THSD7B: variants seen among roughly 807,000 people sequenced by gnomAD.
THSD7B encodes thrombospondin type 1 domain containing 7B.
THSD7B carries 138 observed loss-of-function variants against 213.6 expected under a neutral mutation model. The ratio of observed to expected loss-of-function variants is 0.65; its 90% CI spans 0.56 to 0.74. The LOEUF is 0.74. Among genes scored for constraint, THSD7B ranks in the 30% least tolerant of loss-of-function variants. The pLI, the probability that THSD7B is intolerant of heterozygous loss-of-function variation, is 0.00. For missense variants in THSD7B, 1,931 were observed against 1,991.5 expected (o/e 0.97, Z 0.58); for synonymous variants, 742 against 687.0 (o/e 1.08, Z -1.25).
chr2:136,994,428 G>A (rs952834516), intron 2 of THSD7B, among the ~76,000 whole-genome samples: 4 of 152,266 alleles, frequency 2.6e-5, no homozygotes, highest in Admixed American at 6.5e-5. Context: ...TTAGCTGGGC[G>A]TGGTGGCGGG....
At chr2:137,109,279 G>A (rs945328083) in intron 4 of THSD7B, among the ~76,000 whole-genome samples, 2 of 152,058 alleles carry the variant, frequency 1.3e-5, no homozygotes, top group African/African-American at 4.8e-5. Context: ...ATTGTCCAAC[G>A]ATTTTCCAGC....
chr2:137,167,548 A>G (rs1194231227), intron 6 of THSD7B, among the ~76,000 whole-genome samples: 1 of 152,116 alleles, frequency 6.6e-6, no homozygotes, highest in African/African-American at 2.4e-5. Context: ...AGATCTGGAT[A>G]TACCCTCCGG....
chr2:137,132,398 G>T (rs949254674), intron 5 of THSD7B, among the ~76,000 whole-genome samples: 1 of 151,650 alleles, frequency 6.6e-6, no homozygotes, highest in Non-Finnish European at 1.5e-5. Flanking sequence ...GCTATGTAAA[G>T]ATTTGATTTC....
At chr2:137,401,962 C>T (rs1397441597) in intron 12 of THSD7B, among the ~76,000 whole-genome samples, 1 of 152,188 alleles carries the variant, frequency 6.6e-6, no homozygotes, top group African/African-American at 2.4e-5. Flanking sequence ...ATATTTTCTC[C>T]TTACCTTTAT....
In THSD7B at chr2:137,218,754, A is replaced by C. The variant is rs534745158; in HGVS notation, c.1724-12290A>C. Among the ~76,000 whole-genome samples the C allele has an allele frequency of 2.6e-5, 4 of 152,166 alleles. No homozygotes were observed. The East Asian group carries it at 7.7e-4, about 29-fold the overall frequency. ...CTTTGGGATTATGCCTTCAGTATTT[A>C]TTCTCTCCCCATTCTGTTTTTCTGA... is the stretch of plus-strand genomic sequence containing the variant. On this transcript the variant is annotated intron_variant, in intron 7 of 27. Transcript: ENST00000409968.
chr2:137,143,499 G>C (rs1679634295), intron 5 of THSD7B, among the ~76,000 whole-genome samples: 1 of 152,254 alleles, frequency 6.6e-6, no homozygotes, highest in South Asian at 2.1e-4. Context: ...TTATTTGACA[G>C]TGATCTGTGT....
At chr2:137,431,825 T>G (rs1687192100) in intron 14 of THSD7B, among the ~76,000 whole-genome samples, 1 of 152,102 alleles carries the variant, frequency 6.6e-6, no homozygotes, top group Admixed American at 6.5e-5. Flanking sequence ...AATTTTAGAT[T>G]TGGAATAGAT....
intron 15 of THSD7B, among the ~76,000 whole-genome samples, chr2:137,460,475 C>T (rs752438252): frequency 6.6e-6 from 1 of 151,962 alleles, no homozygotes; most frequent in Admixed American, 6.6e-5. Context: ...CAGATTGCTC[C>T]TCTTTTTGCA....
chr2:137,133,514 G>T (rs79018723), intron 5 of THSD7B, among the ~76,000 whole-genome samples: 2,890 of 151,974 alleles, frequency 0.019, 77 homozygotes, highest in Admixed American at 0.05. Context: ...TTTAAATGCT[G>T]GTTCTGAGTA....
At chr2:137,309,705 T>A (rs1683845034) in intron 12 of THSD7B, among the ~76,000 whole-genome samples, 1 of 151,986 alleles carries the variant, frequency 6.6e-6, no homozygotes. Flanking sequence ...CCTTCCTGTG[T>A]CCATGTGTAC....
At chr2:136,999,861 C>T (rs895150058) in intron 2 of THSD7B, among the ~76,000 whole-genome samples, 9 of 152,100 alleles carry the variant, frequency 5.9e-5, no homozygotes, top group African/African-American at 1.7e-4. Flanking sequence ...GAGAATCCAT[C>T]CTGTGCTAAC....
At chr2:136,782,865 G>T (rs1157175410) in intron 1 of THSD7B, among the ~76,000 whole-genome samples, 1 of 151,800 alleles carries the variant, frequency 6.6e-6, no homozygotes, top group Non-Finnish European at 1.5e-5. Context: ...GCATCATGTT[G>T]TACATGATAA....
intron 12 of THSD7B, among the ~76,000 whole-genome samples, chr2:137,368,747 G>C (rs1685477066): frequency 1.3e-5 from 2 of 152,098 alleles, no homozygotes; most frequent in African/African-American, 4.8e-5. Flanking sequence ...TGAGGTAAAA[G>C]ACTGTGTTGA....
intron 7 of THSD7B, among the ~76,000 whole-genome samples, chr2:137,188,685 C>G (rs35372560): frequency 0.046 from 7,023 of 152,250 alleles, 200 homozygotes; most frequent in Admixed American, 0.069. Flanking sequence ...TGTTTTCCTA[C>G]AGATAGCATT....
chr2:137,487,370 G>C (rs1234143023), intron 15 of THSD7B, among the ~76,000 whole-genome samples: 1 of 20,832 alleles, frequency 4.8e-5, no homozygotes, highest in Non-Finnish European at 7.6e-5. Flanking sequence ...GCGAGACTCC[G>C]TCTCAAAAAA....
At chr2:137,490,988 T>C (rs2105121981) in intron 15 of THSD7B, among the ~76,000 whole-genome samples, 1 of 152,346 alleles carries the variant, frequency 6.6e-6, no homozygotes, top group South Asian at 2.1e-4. Flanking sequence ...TTAGTAACAA[T>C]CACTTGAAAG....
In THSD7B at chr2:137,572,483, C is replaced by A. The variant is rs758289402; in HGVS notation, c.3350C>A (p.Thr1117Asn). 6.2e-6 allele frequency: 10 copies of A among 1,613,784 alleles called. No homozygotes were observed. The South Asian group carries it at 8.8e-5, about 14-fold the overall frequency. ...AACCAGGATGAAATTCCCCCAGAAACCCAGTCCTGTTCTCTTATGTGTCCC... is the reference window on the plus strand; with the variant it reads ...AACCAGGATGAAATTCCCCCAGAAAACCAGTCCTGTTCTCTTATGTGTCCC... ...LCNQDEIPPE[T>N]QSCSLMCPNE... The change falls in exon 17 of 28, where the codon ACC (threonine) becomes AAC (asparagine). Residue 1117 changes from threonine (T) to asparagine (N), a missense_variant. Coordinates refer to ENST00000409968, the MANE Select transcript of THSD7B (RefSeq NM_001316349.2).
At chr2:137,187,478 G>C (rs535320877) in intron 7 of THSD7B, among the ~76,000 whole-genome samples, 5 of 152,302 alleles carry the variant, frequency 3.3e-5, no homozygotes, top group African/African-American at 1.2e-4. Flanking sequence ...TTTGCCTGAA[G>C]AACTGTCCTG....
At chr2:137,569,467 G>A (rs957995801) in intron 16 of THSD7B, among the ~76,000 whole-genome samples, 1 of 152,144 alleles carries the variant, frequency 6.6e-6, no homozygotes, top group Non-Finnish European at 1.5e-5. Context: ...TCACCGGCAG[G>A]GGGAGGGGAT....
Sources: gnomAD v4.1 joint callset for allele counts (sites outside exome capture counted in the v4.1 genomes callset) on GRCh38, gnomAD v4.1.1 for gene constraint, MANE v1.5 for transcripts, NCBI Gene and HGNC (gene_info 2026-07-23, HGNC 2026-07-21) for gene names.